Variants in EIF4G1 observed in about 807,000 individuals in gnomAD.
The protein encoded by EIF4G1 is EIF4-gamma.
In EIF4G1, 4 loss-of-function variants were observed where a neutral mutation model predicts 187.8. That is an observed-to-expected ratio of 0.02 (90% CI 0.01 to 0.05). The LOEUF (loss-of-function observed/expected upper bound fraction) is 0.05, where lower values mean the gene tolerates loss of function less well. Among genes scored for constraint, EIF4G1 ranks in the 10% least tolerant of loss-of-function variants. EIF4G1 has a pLI of 1.00. For synonymous variants in EIF4G1, 844 were observed against 781.4 expected, an observed-to-expected ratio of 1.08 and a Z score of -1.34; for missense variants, 1,647 against 2,081.1, an observed-to-expected ratio of 0.79 and a Z score of 4.06.
chr3:184,316,786 C>T, intron 4 of EIF4G1: 2 of 1,561,496 alleles, frequency 1.3e-6, no homozygotes, highest in Non-Finnish European at 8.7e-7. Context: ...CCTTACCCTC[C>T]ACCCTAGTCA....
Position 184,323,278 on chromosome 3 carries a change from A to AGTGG in EIF4G1, c.2088+39_2088+42dup, listed in dbSNP as rs752586719. The AGTGG allele has an allele frequency of 6.2e-7, 1 of 1,613,522 alleles. No individual in the cohort carries two copies. Among genetic ancestry groups the AGTGG allele is most frequent in the Non-Finnish European group, 8.5e-7 (1 of 1,179,620 alleles). On this transcript the variant is annotated intron_variant, in intron 14 of 32. Coordinates refer to ENST00000346169, the MANE Select transcript of EIF4G1 (RefSeq NM_198241.3). This position sits in a 1 kb window ranked among gnomAD's most constrained non-coding sequence, Gnocchi z 6.9. Reference sequence around the variant, plus strand: ...TGGGTAAAGTGGCAGGTGGGCAAGGAGTGGGAGTGGATGATTCCGTGTCTC... The same window carrying AGTGG: ...TGGGTAAAGTGGCAGGTGGGCAAGGAGTGGGTGGGAGTGGATGATTCCGTGTCTC...
In EIF4G1 at chr3:184,331,567, G is replaced by A. The variant is rs1196597046; in HGVS notation, c.4356G>A (p.Lys1452=). 3.7e-6 allele frequency: 6 copies of A among 1,613,528 alleles called. No individual in the cohort carries two copies. The highest frequency in any genetic ancestry group is 2.7e-5 in the African/African-American group (2 of 74,702). Residue 1452 remains lysine, a synonymous_variant, in exon 30 of 33, where the codon AAG becomes AAA. Coordinates refer to ENST00000346169, the MANE Select transcript of EIF4G1 (RefSeq NM_198241.3). The stretch of plus-strand genomic sequence containing the variant: ...ACAGGCAGCTGGAGAAGCTGCTGAA[G>A]GAGGGCAGCAGTAACCAGCGGGTGT... ...ELNRQLEKLL[K]EGSSNQRVFD...
chr3:184,321,206 G>A (rs1361834730), intron 9 of EIF4G1, 76 bp from the exon 10 acceptor site: 1 of 1,590,226 alleles, frequency 6.3e-7, no homozygotes, highest in Non-Finnish European at 8.6e-7. Flanking sequence ...GGGAATGCCT[G>A]GGCTGGAGGA....
Position 184,331,796 on chromosome 3 carries a change from T to C in EIF4G1, c.4464T>C (p.Tyr1488=), listed in dbSNP as rs74380401. 1,469 of 1,614,196 alleles carry C rather than the reference T, an allele frequency of 9.1e-4. 44 individuals carry two copies. The East Asian group carries it at 0.031, about 34-fold the overall frequency. Residue 1488 remains tyrosine, a synonymous_variant, in exon 31 of 33, where the codon TAT becomes TAC. Transcript: ENST00000346169. ...GAGCCCTCATGACGGCTGTCTGCTA[T>C]TCTGCAATTATTTGTAAGAGGAACC... The part of the protein sequence containing the change: ...LVRALMTAVC[Y]SAIIFETPLR...
intron 4 of EIF4G1, among the ~76,000 whole-genome samples, chr3:184,316,537 C>G (rs1216441357): frequency 6.6e-6 from 1 of 151,998 alleles, no homozygotes; most frequent in Non-Finnish European, 1.5e-5. Context: ...GCTCTCTCTG[C>G]TTTCTCTTTG....
At position 184,329,208 on chromosome 3, in the gene EIF4G1, C is replaced by T. The variant is rs573803024; in HGVS notation, c.4161+218C>T. On this transcript the variant is annotated intron_variant, in intron 28 of 32. Coordinates refer to ENST00000346169, the MANE Select transcript of EIF4G1 (RefSeq NM_198241.3). ...ACTGGAGGAGAATGGCAGTCTAAGA[C>T]CCTAGGCCTGTGATTGATGCATTTA... The T allele has an allele frequency of 8.4e-6, 5 of 592,560 alleles. No homozygotes were observed. The East Asian group carries it at 8.6e-5, about 10-fold the overall frequency. 36.7% of individuals were successfully genotyped at this position (592,560 alleles called of 1,614,324 possible). A position where few individuals can be genotyped will look rare whatever the true frequency, so the allele number is the denominator to read the frequency against.
intron 32 of EIF4G1, among the ~76,000 whole-genome samples, chr3:184,332,715 G>T (rs1726355972): frequency 6.6e-6 from 1 of 152,064 alleles, no homozygotes; most frequent in Admixed American, 6.5e-5. Context: ...GGGGGAGAAT[G>T]TTTGAAGCGA....
At chr3:184,328,151 A>C (rs747082209) in intron 26 of EIF4G1, 149 bp downstream of exon 26, 1 of 905,270 alleles carries the variant, frequency 1.1e-6, no homozygotes, top group Non-Finnish European at 1.7e-6. Flanking sequence ...TGGGAGGCCA[A>C]GGTGGGTTGG....
At chr3:184,320,319 T>A in intron 7 of EIF4G1, 1 of 1,298,636 alleles carries the variant, frequency 7.7e-7, no homozygotes, top group Non-Finnish European at 9.9e-7. Flanking sequence ...GGGTTCTAGA[T>A]GGGGGTCCTG....
chr3:184,318,145 A>G (rs1274120857), intron 6 of EIF4G1, among the ~76,000 whole-genome samples: 1 of 152,092 alleles, frequency 6.6e-6, no homozygotes, highest in Non-Finnish European at 1.5e-5. Context: ...AGGTTTTTGT[A>G]GCTATTTTTT....
chr3:184,315,822 G>T lies in EIF4G1; in HGVS notation c.26G>T (p.Gly9Val). The T allele has an allele frequency of 6.5e-7, 1 of 1,544,496 alleles. No homozygotes were observed. Among genetic ancestry groups the T allele is most frequent in the African/African-American group, 1.4e-5 (1 of 72,990 alleles). The change falls in exon 3 of 33, where the codon GGC becomes GTC. Residue 9 changes from glycine to valine, a missense_variant. Gly to Val is a moderately radical substitution (Grantham distance 109). This residue lies in a region of EIF4G1 where 61 missense variants were observed against 49.5 expected (regional missense o/e 1.23). Transcript: ENST00000346169. ...ATGAACAAAGCTCCACAGTCCACAGGCCCCCCACCCGCCCCATCCCCCGGA... is the reference window on the plus strand; with the variant it reads ...ATGAACAAAGCTCCACAGTCCACAGTCCCCCCACCCGCCCCATCCCCCGGA... MNKAPQST[G>V]PPPAPSPGLP...
At position 184,323,795 on chromosome 3, in the gene EIF4G1, G is replaced by C; in HGVS notation, c.2290G>C (p.Val764Leu). Reference sequence around the variant, plus strand: ...CTCCCTCCAGGACCTATTCCGCAGGGTGCGCTCCATCCTGAATAAACTGAC... The same window carrying C: ...CTCCCTCCAGGACCTATTCCGCAGGCTGCGCTCCATCCTGAATAAACTGAC... ...GSKTQDLFRR[V>L]RSILNKLTPQ... is the part of the protein sequence containing the mutation. The change falls in exon 16 of 33, where the codon GTG becomes CTG. Residue 764 changes from valine to leucine, a missense_variant. Val to Leu is a conservative substitution (Grantham distance 32, BLOSUM62 1). Around this residue, in one of 11 missense-constraint regions of EIF4G1, gnomAD observed 140 missense variants for 222.2 expected, o/e 0.63. Transcript: ENST00000346169. This position sits in a 1 kb window ranked among gnomAD's most constrained non-coding sequence, Gnocchi z 6.9. The C allele has an allele frequency of 6.2e-7, 1 of 1,613,898 alleles. No homozygotes were observed. Among genetic ancestry groups the C allele is most frequent in the Non-Finnish European group, 8.5e-7 (1 of 1,180,030 alleles).
intron 6 of EIF4G1, 124 bp downstream of exon 6, chr3:184,317,940 T>C (rs1723068899): frequency 2.7e-6 from 2 of 746,716 alleles, no homozygotes; most frequent in African/African-American, 3.5e-5. Context: ...ATAAGGTTAA[T>C]AGGTGGTAGG....
rs1253126566 is a variant in EIF4G1, at chr3:184,325,679, G to GACCGGGAGGTTAT, written c.3121+43_3121+55dup. Reference sequence around the variant, plus strand: ...GGGATTGAGAAGGGAGCAGTGAAGGGACCGGGAGGTTATACTTTCCTCTGA... The same window carrying GACCGGGAGGTTAT: ...GGGATTGAGAAGGGAGCAGTGAAGGGACCGGGAGGTTATACCGGGAGGTTATACTTTCCTCTGA... On this transcript the variant is annotated intron_variant, in intron 20 of 32. Coordinates refer to ENST00000346169, the MANE Select transcript of EIF4G1 (RefSeq NM_198241.3). This position sits in a 1 kb window ranked among gnomAD's most constrained non-coding sequence, Gnocchi z 5.2. 18 of 1,614,116 alleles carry GACCGGGAGGTTAT rather than the reference G, an allele frequency of 1.1e-5. No homozygotes were observed. The South Asian group carries it at 2.0e-4, about 18-fold the overall frequency.
chr3:184,323,068 C>G lies in EIF4G1; in HGVS notation c.1930-15C>G. On this transcript the variant is annotated splice_polypyrimidine_tract_variant and intron_variant, in intron 13 of 32. Coordinates refer to ENST00000346169, the MANE Select transcript of EIF4G1 (RefSeq NM_198241.3). This position sits in a 1 kb window ranked among gnomAD's most constrained non-coding sequence, Gnocchi z 6.9. ...TCTAGCCTGCTTCTGAGACCTTTTCCTGTCCTCTTTGCAGGCCAATAAAAC... is the reference window on the plus strand; with the variant it reads ...TCTAGCCTGCTTCTGAGACCTTTTCGTGTCCTCTTTGCAGGCCAATAAAAC... 1 of 1,614,202 alleles carries G rather than the reference C, an allele frequency of 6.2e-7. No homozygotes were observed. The highest frequency in any genetic ancestry group is 8.5e-7 in the Non-Finnish European group (1 of 1,180,040).
In EIF4G1 at chr3:184,325,974, G is replaced by A. The variant is rs757166144; in HGVS notation, c.3222+23G>A. 6.2e-7 allele frequency: 1 copy of A among 1,611,162 alleles called. No individual in the cohort carries two copies. The highest frequency in any genetic ancestry group is 8.5e-7 in the Non-Finnish European group (1 of 1,177,342). On this transcript the variant is annotated intron_variant, in intron 21 of 32. Coordinates refer to ENST00000346169, the MANE Select transcript of EIF4G1 (RefSeq NM_198241.3). The surrounding 1 kb of genome is among the most constrained non-coding windows in gnomAD (Gnocchi z 5.2). ...AAGGTAGGGGTGTGTGTGGGAGTGG[G>A]TGATTCAGCTCAGGTTTAGATCTTA... is the stretch of plus-strand genomic sequence containing the variant.
chr3:184,317,397 G>A lies in EIF4G1; in HGVS notation c.224G>A (p.Gly75Asp). The change falls in exon 5 of 33, where the codon GGC becomes GAC. Residue 75 changes from glycine to aspartate, a missense_variant. Around this residue, in one of 11 missense-constraint regions of EIF4G1, gnomAD observed 139 missense variants for 187.3 expected, o/e 0.74. Transcript: ENST00000346169. Reference sequence around the variant, plus strand: ...CAGAGTGCAGCCCCTGCCCGCCCTGGCCCAGCTGCCCATGTCTACCCTGCT... The same window carrying A: ...CAGAGTGCAGCCCCTGCCCGCCCTGACCCAGCTGCCCATGTCTACCCTGCT... ...RVQSAAPARP[G>D]PAAHVYPAGS... 6.2e-7 allele frequency: 1 copy of A among 1,614,032 alleles called. No homozygotes were observed. Among genetic ancestry groups the A allele is most frequent in the Non-Finnish European group, 8.5e-7 (1 of 1,180,006 alleles).
chr3:184,333,440 G>A (rs1373275484), intron 32 of EIF4G1, among the ~76,000 whole-genome samples: 2 of 152,128 alleles, frequency 1.3e-5, no homozygotes, highest in Non-Finnish European at 2.9e-5. Context: ...AGAGTGATAA[G>A]GGCCTGAGAT....
intron 1 of EIF4G1, 31 bp downstream of exon 1, chr3:184,314,705 C>CA (rs1206566320): frequency 7.2e-6 from 1 of 139,044 alleles, no homozygotes; most frequent in Non-Finnish European, 1.6e-5. Flanking sequence ...CCCGACCCGG[C>CA]CCCCCCACCC....
Sources: gnomAD v4.1 joint callset for allele counts (sites outside exome capture counted in the v4.1 genomes callset) on GRCh38, gnomAD v4.1.1 for gene constraint, gnomAD v4.1.1 regional missense constraint, Gnocchi (gnomAD v3.1) non-coding constraint, MANE v1.5 for transcripts, NCBI Gene and HGNC (gene_info 2026-07-23, HGNC 2026-07-21) for gene names.